The following TRPM6 variants were observed in gnomAD, a reference collection of about 807,000 sequenced individuals.
TRPM6 encodes the protein channel kinase 2.
Under a neutral mutation model 247.6 loss-of-function variants are expected in TRPM6, and 111 were observed. The ratio of observed to expected loss-of-function variants is 0.45; its 90% confidence interval spans 0.38 to 0.52. The LOEUF (loss-of-function observed/expected upper bound fraction) is 0.52, where lower values mean the gene tolerates loss of function less well. Among genes scored for constraint, TRPM6 ranks in the 20% least tolerant of loss-of-function variants. The pLI is 0.00. For synonymous variants in TRPM6, 892 were observed against 853.8 expected (o/e 1.04, Z -0.78); for missense variants, 2,126 against 2,421.5 (o/e 0.88, Z 2.56).
At position 74,760,897 on chromosome 9, in the gene TRPM6, T is replaced by C. The variant is rs141506037; in HGVS notation, c.4785+799A>G. Among the ~76,000 whole-genome samples the C allele has an allele frequency of 5.7e-3, 870 of 152,228 alleles. 15 individuals carry two copies. The highest frequency in any genetic ancestry group is 0.02 in the African/African-American group (836 of 41,526). On this transcript the variant is annotated intron_variant, in intron 27 of 38. Transcript: ENST00000360774. ...GTTATTTATCATGAGAGTGGATCTG[T>C]TATGAAAGCCTGTTTGGCTCTCTCA...
chr9:74,779,538 A>G (rs1827343158), intron 23 of TRPM6, among the ~76,000 whole-genome samples: 1 of 152,004 alleles, frequency 6.6e-6, no homozygotes, highest in South Asian at 2.1e-4. Context: ...TACTTGTTAT[A>G]TTTTCCTCTT....
chr9:74,779,391 AG>A (rs1827337692), intron 23 of TRPM6, among the ~76,000 whole-genome samples: 1 of 152,234 alleles, frequency 6.6e-6, no homozygotes. Flanking sequence ...TTGGGCTAAG[AG>A]AGATGATGAC....
At chr9:74,842,421 T>C (rs913282907) in intron 3 of TRPM6, 78 bp from the exon 4 acceptor site, 3 of 1,399,790 alleles carry the variant, frequency 2.1e-6, no homozygotes, top group African/African-American at 2.8e-5. Flanking sequence ...TCTAAAGTAA[T>C]GTATAGATGC....
chr9:74,732,602 A>C (rs1825558305), intron 37 of TRPM6, 83 bp downstream of exon 37: 1 of 1,070,952 alleles, frequency 9.3e-7, no homozygotes, highest in Non-Finnish European at 1.4e-6. Context: ...GGCAGGGAAC[A>C]TATATGTTTG....
intron 18 of TRPM6, among the ~76,000 whole-genome samples, chr9:74,794,762 C>G: frequency 6.6e-6 from 1 of 152,044 alleles, no homozygotes; most frequent in Non-Finnish European, 1.5e-5. Context: ...ATGATGAAGA[C>G]AACCTGAGAA....
chr9:74,808,316 G>T, intron 13 of TRPM6, 142 bp from the exon 14 acceptor site: 1 of 1,041,618 alleles, frequency 9.6e-7, no homozygotes, highest in Non-Finnish European at 1.4e-6. Context: ...TAATTTAAGT[G>T]ACCAGCCATT....
chr9:74,846,876 A>G (rs1452536387), intron 3 of TRPM6, among the ~76,000 whole-genome samples: 1 of 152,172 alleles, frequency 6.6e-6, no homozygotes, highest in Non-Finnish European at 1.5e-5. Flanking sequence ...TAAAAAGCAC[A>G]CTTTTAAGAA....
intron 8 of TRPM6, 56 bp from the exon 9 acceptor site, chr9:74,820,483 C>A: frequency 6.2e-7 from 1 of 1,609,872 alleles, no homozygotes; most frequent in Non-Finnish European, 8.5e-7. Context: ...GAGCCGGCAA[C>A]ATCAGTACAA....
intron 4 of TRPM6, among the ~76,000 whole-genome samples, chr9:74,841,809 C>A (rs1198650450): frequency 1.3e-5 from 2 of 152,140 alleles, no homozygotes; most frequent in Non-Finnish European, 2.9e-5. Context: ...CCAGCCTGAA[C>A]TTCTTGATAC....
chr9:74,800,902 G>GTTTT lies in TRPM6; in HGVS notation c.2010-421_2010-420insAAAA, dbSNP rs5898380. The stretch of plus-strand genomic sequence containing the variant: ...ACTCCCTGATAAGACCTAATAAAGT[G>GTTTT]TGTTTTTTTTTTTTTTTTTGACAAA... On this transcript the variant is annotated intron_variant, in intron 16 of 38. Transcript: ENST00000360774. Among the ~76,000 whole-genome samples the GTTTT allele has an allele frequency of 7.8e-3, 990 of 126,974 alleles. 33 individuals are homozygous for GTTTT. The highest frequency in any genetic ancestry group is 0.03 in the African/African-American group (926 of 30,894). 83.3% of individuals were successfully genotyped at this position (126,974 alleles called of 152,430 possible).
At chr9:74,853,423 G>A (rs774324583) in intron 3 of TRPM6, among the ~76,000 whole-genome samples, 52 of 152,228 alleles carry the variant, frequency 3.4e-4, no homozygotes, top group Non-Finnish European at 7.2e-4. Flanking sequence ...GAAAAAGGGG[G>A]AAATGTGGGG....
At chr9:74,749,443 T>A (rs1401287677) in intron 30 of TRPM6, among the ~76,000 whole-genome samples, 1 of 152,224 alleles carries the variant, frequency 6.6e-6, no homozygotes, top group Non-Finnish European at 1.5e-5. Flanking sequence ...ATATATAAGA[T>A]GTAACTGTGT....
intron 1 of TRPM6, among the ~76,000 whole-genome samples, chr9:74,871,848 T>C (rs1831040880): frequency 6.6e-6 from 1 of 151,008 alleles, no homozygotes; most frequent in African/African-American, 2.4e-5. Context: ...CCCAACTCAG[T>C]AGTAACTTTT....
intron 19 of TRPM6, among the ~76,000 whole-genome samples, chr9:74,792,306 A>T (rs1370579936): frequency 2.6e-5 from 4 of 152,202 alleles, no homozygotes; most frequent in Non-Finnish European, 5.9e-5. Context: ...CTTCTCGCTC[A>T]GAGTTTTTAG....
At chr9:74,860,367 C>A (rs1038789945) in intron 1 of TRPM6, among the ~76,000 whole-genome samples, 12 of 151,550 alleles carry the variant, frequency 7.9e-5, no homozygotes, top group Non-Finnish European at 1.8e-4. Context: ...TTTTTTGAGA[C>A]GGAGTCTTGC....
chr9:74,868,938 C>T (rs1830938056), intron 1 of TRPM6, among the ~76,000 whole-genome samples: 1 of 151,994 alleles, frequency 6.6e-6, no homozygotes, highest in African/African-American at 2.4e-5. Flanking sequence ...GACTTACTAG[C>T]CAGGATGGTG....
chr9:74,836,336 C>T (rs911006167), intron 5 of TRPM6, among the ~76,000 whole-genome samples: 8 of 152,170 alleles, frequency 5.3e-5, no homozygotes, highest in African/African-American at 1.9e-4. Context: ...GTGTCATTAG[C>T]ACAGAAGGAA....
rs185822553 is a variant in TRPM6 at position 74,816,071 on chromosome 9, C to A, written c.1308+598G>T. On this transcript the variant is annotated intron_variant, in intron 11 of 38. Coordinates refer to ENST00000360774, the MANE Select transcript of TRPM6 (RefSeq NM_017662.5). ...ACCCAAAAATAAATTAAAAATTGTA[C>A]GCCAGGCACAGTGGCTCACGCCTGT... Among the ~76,000 whole-genome samples the A allele has an allele frequency of 8.6e-3, 1,304 of 152,288 alleles. 12 individuals carry two copies. Among genetic ancestry groups the A allele is most frequent in the African/African-American group, 0.026 (1,090 of 41,554 alleles).
At chr9:74,760,951 T>G (rs1470798194) in intron 27 of TRPM6, among the ~76,000 whole-genome samples, 6 of 152,180 alleles carry the variant, frequency 3.9e-5, no homozygotes. Flanking sequence ...TGATGCCCTG[T>G]GCCACCTAGG....
Sources: allele counts gnomAD v4.1 joint callset (sites outside exome capture counted in the v4.1 genomes callset), GRCh38; gene constraint gnomAD v4.1.1; transcripts MANE v1.5; gene names NCBI Gene and HGNC (gene_info 2026-07-23, HGNC 2026-07-21).